Variants in RAP1GAP2 observed in about 807,000 individuals in gnomAD.
RAP1GAP2 encodes the protein RAP1 GTPase activating protein 2.
Under a neutral mutation model 95.0 loss-of-function variants are expected in RAP1GAP2, and 27 were observed. The ratio of observed to expected loss-of-function variants is 0.28; its 90% CI spans 0.21 to 0.39. The LOEUF (loss-of-function observed/expected upper bound fraction) is 0.39, where lower values mean the gene tolerates loss of function less well. RAP1GAP2 is among the 10% of genes least tolerant of loss of function. The pLI is 1.00. For missense variants in RAP1GAP2, 771 were observed against 970.0 expected (o/e 0.79, Z 2.72); for synonymous variants, 373 against 380.9 (o/e 0.98, Z 0.24).
chr17:2,771,511 TAGATAGA>T (rs2068397312), intron 2 of RAP1GAP2, among the ~76,000 whole-genome samples: 112 of 150,578 alleles, frequency 7.4e-4, no homozygotes, highest in Non-Finnish European at 9.5e-4. Flanking sequence ...TTTTTTTTTT[TAGATAGA>T]GTTTTGCTCT....
At chr17:2,800,184 T>G (rs1243407434) in intron 1 of RAP1GAP2, 2 of 985,382 alleles carry the variant, frequency 2.0e-6, no homozygotes, top group East Asian at 2.3e-4. Context: ...AGGGAGAGGC[T>G]GCATACAAAG....
At chr17:2,993,137 G>C (rs368299496) in intron 12 of RAP1GAP2, among the ~76,000 whole-genome samples, 10 of 150,332 alleles carry the variant, frequency 6.7e-5, no homozygotes, top group Non-Finnish European at 1.3e-4. Context: ...CAGGAGAATC[G>C]CTTGAACCCA....
intron 11 of RAP1GAP2, among the ~76,000 whole-genome samples, chr17:2,986,031 C>T (rs2045547560): frequency 6.6e-6 from 1 of 151,792 alleles, no homozygotes; most frequent in Non-Finnish European, 1.5e-5. Context: ...AGAAATACAC[C>T]TTCATATAAA....
At chr17:2,764,660 G>T (rs2068243464) in intron 1 of RAP1GAP2, among the ~76,000 whole-genome samples, 1 of 152,182 alleles carries the variant, frequency 6.6e-6, no homozygotes. Context: ...GGTGGAGGTT[G>T]CAGTGAGCTG....
chr17:2,948,195 TCAGA>T (rs1444728354), intron 3 of RAP1GAP2, among the ~76,000 whole-genome samples: 5 of 152,184 alleles, frequency 3.3e-5, no homozygotes, highest in African/African-American at 1.2e-4. Flanking sequence ...GCGCAAGCAC[TCAGA>T]CAGCGTGGTT....
chr17:2,768,655 G>A (rs1387377678), intron 1 of RAP1GAP2, among the ~76,000 whole-genome samples: 1 of 143,230 alleles, frequency 7.0e-6, no homozygotes, highest in African/African-American at 2.6e-5. Context: ...TGAAGCCATT[G>A]CACTCTAGGC....
chr17:2,869,838 C>T (rs1470528696), intron 2 of RAP1GAP2, among the ~76,000 whole-genome samples: 1 of 152,204 alleles, frequency 6.6e-6, no homozygotes, highest in Non-Finnish European at 1.5e-5. Context: ...CCCTGTGGCG[C>T]TCTCCTAGGA....
At chr17:2,936,672 T>C (rs1051616400) in intron 3 of RAP1GAP2, among the ~76,000 whole-genome samples, 12 of 152,104 alleles carry the variant, frequency 7.9e-5, no homozygotes, top group Admixed American at 7.9e-4. Context: ...GGCTCTGATA[T>C]TGAGTCTTGC....
intron 2 of RAP1GAP2, among the ~76,000 whole-genome samples, chr17:2,878,239 G>A (rs1318132100): frequency 6.6e-6 from 1 of 152,084 alleles, no homozygotes; most frequent in African/African-American, 2.4e-5. Context: ...GCCTTTAATT[G>A]CAAGAGAACC....
chr17:2,873,274 A>T lies in RAP1GAP2; in HGVS notation c.81-32010A>T, dbSNP rs192835595. On this transcript the variant is annotated intron_variant, in intron 2 of 24. Coordinates refer to ENST00000254695, the MANE Select transcript of RAP1GAP2 (RefSeq NM_015085.5). Reference sequence around the variant, plus strand: ...CAGGAGTTCGAGACCAGCCTGGGCAACATGGTGAAACCCTATCTCTACCAA... The same window carrying T: ...CAGGAGTTCGAGACCAGCCTGGGCATCATGGTGAAACCCTATCTCTACCAA... Among the ~76,000 whole-genome samples, 3 of 145,362 alleles carry T rather than the reference A, an allele frequency of 2.1e-5. No homozygotes were observed. The East Asian group carries it at 6.1e-4, about 29-fold the overall frequency.
intron 2 of RAP1GAP2, among the ~76,000 whole-genome samples, chr17:2,806,717 A>G (rs956018004): frequency 6.9e-6 from 1 of 145,276 alleles, no homozygotes; most frequent in Non-Finnish European, 1.5e-5. Flanking sequence ...ATTTTTATTT[A>G]TTATTATTAT....
intron 1 of RAP1GAP2, among the ~76,000 whole-genome samples, chr17:2,759,039 T>G (rs1160441790): frequency 6.6e-6 from 1 of 151,876 alleles, no homozygotes; most frequent in Non-Finnish European, 1.5e-5. Context: ...GGGGTCTTGC[T>G]ATATTGTCCA....
At chr17:2,892,449 T>A (rs1479064822) in intron 2 of RAP1GAP2, among the ~76,000 whole-genome samples, 2 of 152,128 alleles carry the variant, frequency 1.3e-5, no homozygotes, top group Non-Finnish European at 2.9e-5. Flanking sequence ...GGGGACCTCA[T>A]CTTGGGTGGC....
chr17:2,909,005 C>G (rs920700448), intron 3 of RAP1GAP2, among the ~76,000 whole-genome samples: 1 of 152,122 alleles, frequency 6.6e-6, no homozygotes, highest in Admixed American at 6.5e-5. Flanking sequence ...TGCGCCTTGT[C>G]GAGGGGTCAG....
chr17:2,981,337 T>C (rs996337672), intron 10 of RAP1GAP2, 89 bp downstream of exon 10: 15 of 1,256,880 alleles, frequency 1.2e-5, no homozygotes, highest in Middle Eastern at 3.9e-4. Flanking sequence ...CTCTGCATCA[T>C]AGTGGGGTTT....
intron 3 of RAP1GAP2, among the ~76,000 whole-genome samples, chr17:2,940,671 A>G (rs769504559): frequency 1.9e-4 from 29 of 152,184 alleles, no homozygotes; most frequent in Admixed American, 1.1e-3. Context: ...CTGTCCCTGC[A>G]GGCTCTGCAG....
At chr17:2,896,650 G>C (rs906311693) in intron 2 of RAP1GAP2, among the ~76,000 whole-genome samples, 1 of 152,156 alleles carries the variant, frequency 6.6e-6, no homozygotes, top group Admixed American at 6.5e-5. Flanking sequence ...TGCACGAGGG[G>C]GCCCCAGGTG....
intron 2 of RAP1GAP2, among the ~76,000 whole-genome samples, chr17:2,880,617 C>T (rs2073249117): frequency 6.6e-6 from 1 of 152,020 alleles, no homozygotes; most frequent in Non-Finnish European, 1.5e-5. Context: ...AAACTGTATC[C>T]ATTAGCCGTC....
chr17:2,863,620 G>A (rs1175330296), intron 2 of RAP1GAP2, among the ~76,000 whole-genome samples: 1 of 152,214 alleles, frequency 6.6e-6, no homozygotes, highest in Admixed American at 6.5e-5. Flanking sequence ...ACTGAATGCT[G>A]TGTGGCAGGA....
Sources: allele counts gnomAD v4.1 joint callset (sites outside exome capture counted in the v4.1 genomes callset), GRCh38; gene constraint gnomAD v4.1.1; transcripts MANE v1.5; gene names NCBI Gene and HGNC (gene_info 2026-07-23, HGNC 2026-07-21).